FBXL17: variants seen among roughly 807,000 people sequenced by gnomAD.
FBXL17 encodes the protein F-box and leucine rich repeat protein 17, also known as F-box/LRR-repeat protein 17.
FBXL17 carries 22 observed loss-of-function variants against 66.2 expected under a neutral mutation model. The observed-to-expected ratio is 0.33, with a 90% CI of 0.24 to 0.47. FBXL17 has a LOEUF of 0.47. Ranked by LOEUF, FBXL17 falls within the 20% of genes least tolerant of loss-of-function variation. The probability of loss-of-function intolerance (pLI) is 1.00; values close to 1 mark genes in which losing one functional copy is unlikely to be tolerated. For missense variants in FBXL17, 878 were observed against 948.2 expected (o/e 0.93, Z 0.97); for synonymous variants, 474 against 400.5 (o/e 1.18, Z -2.19).
intron 4 of FBXL17, among the ~76,000 whole-genome samples, chr5:108,261,808 G>C (rs1328116318): frequency 6.6e-6 from 1 of 151,816 alleles, no homozygotes. Context: ...GAACTAAAAT[G>C]CTAAACAATA....
intron 7 of FBXL17, among the ~76,000 whole-genome samples, chr5:107,924,060 GTTTTT>G (rs34494908): frequency 2.8e-5 from 3 of 107,564 alleles, no homozygotes; most frequent in African/African-American, 4.2e-5. Flanking sequence ...TGAGCTTAGT[GTTTTT>G]TTTTTTTTTT....
intron 4 of FBXL17, among the ~76,000 whole-genome samples, chr5:108,241,551 TAGAG>T (rs747814534): frequency 3.3e-4 from 50 of 151,490 alleles, no homozygotes; most frequent in Non-Finnish European, 5.2e-4. Context: ...TAAAAGGAAG[TAGAG>T]AGAGAGAGCA....
intron 6 of FBXL17, among the ~76,000 whole-genome samples, chr5:108,105,365 A>G (rs1339344613): frequency 3.9e-5 from 6 of 152,182 alleles, no homozygotes; most frequent in African/African-American, 9.7e-5. Context: ...AATTGTGTCA[A>G]TTTGGCTTCA....
In FBXL17 at chr5:108,001,427, T is replaced by A. The variant is rs142246287; in HGVS notation, c.1822+19498A>T. Among the ~76,000 whole-genome samples, 1,027 of 152,342 alleles carry A rather than the reference T, an allele frequency of 6.7e-3. 10 individuals carry two copies. Among genetic ancestry groups the A allele is most frequent in the African/African-American group, 0.023 (936 of 41,576 alleles). ...ATAAAGGTAGAATTTAAGTACTCTGTATTTAAATATTTGAGTAAATTAAAA... is the reference window on the plus strand; with the variant it reads ...ATAAAGGTAGAATTTAAGTACTCTGAATTTAAATATTTGAGTAAATTAAAA... On this transcript the variant is annotated intron_variant, in intron 7 of 8. Coordinates refer to ENST00000542267, the MANE Select transcript of FBXL17 (RefSeq NM_001163315.3).
At chr5:108,160,473 C>G (rs1035315888) in intron 6 of FBXL17, among the ~76,000 whole-genome samples, 1 of 152,160 alleles carries the variant, frequency 6.6e-6, no homozygotes, top group Non-Finnish European at 1.5e-5. Context: ...AGAAAGTTCT[C>G]AGTTAGTAGC....
intron 6 of FBXL17, among the ~76,000 whole-genome samples, chr5:108,122,074 T>C (rs1173817726): frequency 6.6e-6 from 1 of 152,142 alleles, no homozygotes; most frequent in Non-Finnish European, 1.5e-5. Flanking sequence ...TAATATTCTC[T>C]AAGTTATAAA....
chr5:108,238,438 C>T (rs1359127149), intron 4 of FBXL17, among the ~76,000 whole-genome samples: 6 of 152,206 alleles, frequency 3.9e-5, no homozygotes, highest in Admixed American at 2.0e-4. Flanking sequence ...ACATGTTAAA[C>T]ATCTATTTCA....
intron 5 of FBXL17, among the ~76,000 whole-genome samples, chr5:108,189,096 G>A (rs550229461): frequency 1.3e-5 from 2 of 152,216 alleles, no homozygotes; most frequent in South Asian, 4.1e-4. Context: ...TTATGAACAG[G>A]AGACACCAGA....
chr5:107,978,425 A>T (rs920732330), intron 7 of FBXL17, among the ~76,000 whole-genome samples: 3 of 152,220 alleles, frequency 2.0e-5, no homozygotes, highest in Non-Finnish European at 1.5e-5. Flanking sequence ...CTGCTAAGAT[A>T]TATTTGCAGT....
chr5:108,234,259 AC>A (rs1028359722), intron 4 of FBXL17, among the ~76,000 whole-genome samples: 2 of 152,248 alleles, frequency 1.3e-5, no homozygotes, highest in African/African-American at 4.8e-5. Context: ...ACTAGTTGCC[AC>A]CGGGTTGAAG....
chr5:108,137,655 T>C (rs1280704176), intron 6 of FBXL17, among the ~76,000 whole-genome samples: 2 of 152,180 alleles, frequency 1.3e-5, no homozygotes, highest in African/African-American at 4.8e-5. Flanking sequence ...GTGAATTATA[T>C]ATTTCAAGAG....
chr5:108,085,480 T>C (rs952455588), intron 6 of FBXL17, among the ~76,000 whole-genome samples: 3 of 152,212 alleles, frequency 2.0e-5, no homozygotes, highest in African/African-American at 7.2e-5. Flanking sequence ...TGGCTGAGCG[T>C]AGGCTAAGCT....
At chr5:108,049,313 T>C (rs1252048900) in intron 6 of FBXL17, among the ~76,000 whole-genome samples, 1 of 151,972 alleles carries the variant, frequency 6.6e-6, no homozygotes, top group East Asian at 1.9e-4. Context: ...CAGCTAATTT[T>C]TTTTTTTTTA....
chr5:107,936,061 A>C (rs924658401), intron 7 of FBXL17, among the ~76,000 whole-genome samples: 1 of 152,298 alleles, frequency 6.6e-6, no homozygotes, highest in Non-Finnish European at 1.5e-5. Context: ...AGTTCAAATC[A>C]GCCACTTTGC....
chr5:108,215,632 C>T (rs1455318250), intron 5 of FBXL17, among the ~76,000 whole-genome samples: 2 of 152,144 alleles, frequency 1.3e-5, no homozygotes, highest in Non-Finnish European at 2.9e-5. Flanking sequence ...ATGTGATTTG[C>T]AAATATTTTT....
intron 6 of FBXL17, among the ~76,000 whole-genome samples, chr5:108,024,357 C>T (rs1295051360): frequency 6.6e-6 from 1 of 152,082 alleles, no homozygotes; most frequent in Non-Finnish European, 1.5e-5. Context: ...AGAGATCTGT[C>T]TTAACAAGAG....
intron 6 of FBXL17, among the ~76,000 whole-genome samples, chr5:108,113,533 A>T (rs1360130312): frequency 6.6e-6 from 1 of 152,100 alleles, no homozygotes; most frequent in African/African-American, 2.4e-5. Context: ...CAGTAAAGTA[A>T]ATGAAAATTA....
intron 4 of FBXL17, among the ~76,000 whole-genome samples, chr5:108,273,925 T>G (rs986782760): frequency 6.6e-6 from 1 of 152,118 alleles, no homozygotes; most frequent in Admixed American, 6.5e-5. Context: ...TAAAAACTAT[T>G]ATGTAAAAAT....
chr5:108,366,384 T>C (rs1748665644), intron 2 of FBXL17, among the ~76,000 whole-genome samples: 1 of 151,878 alleles, frequency 6.6e-6, no homozygotes, highest in African/African-American at 2.4e-5. Flanking sequence ...AAATTTAGAA[T>C]AGAAGGAAAG....
Sources: allele counts gnomAD v4.1 joint callset (sites outside exome capture counted in the v4.1 genomes callset), GRCh38; gene constraint gnomAD v4.1.1; transcripts MANE v1.5; gene names NCBI Gene and HGNC (gene_info 2026-07-23, HGNC 2026-07-21).